The following CENPP variants were observed in gnomAD, a reference collection of about 807,000 sequenced individuals.
CENPP encodes the protein centromere protein P.
Under a neutral mutation model 35.6 loss-of-function variants are expected in CENPP, and 24 were observed. That is an observed-to-expected ratio of 0.67 (90% CI 0.49 to 0.95). The LOEUF is 0.95. Among genes scored for constraint, CENPP ranks in the 40% least tolerant of loss-of-function variants. The pLI is 0.00. For missense variants in CENPP, 332 were observed against 345.3 expected (o/e 0.96, Z 0.31); for synonymous variants, 120 against 125.5 (o/e 0.96, Z 0.29).
intron 5 of CENPP, among the ~76,000 whole-genome samples, chr9:92,580,612 G>C (rs1228259186): frequency 1.3e-5 from 2 of 152,242 alleles, no homozygotes; most frequent in African/African-American, 4.8e-5. Context: ...AGTATTCTCT[G>C]ATGGTAGTTT....
At chr9:92,464,975 C>A (rs142624887) in intron 5 of CENPP, 6 of 1,614,054 alleles carry the variant, frequency 3.7e-6, no homozygotes, top group Non-Finnish European at 5.1e-6. Context: ...CACCGTCACC[C>A]CTTCAAATGC....
At chr9:92,380,450 C>T (rs1028962264) in intron 5 of CENPP, among the ~76,000 whole-genome samples, 1 of 147,658 alleles carries the variant, frequency 6.8e-6, no homozygotes, top group Non-Finnish European at 1.5e-5. Context: ...CACACAGCAA[C>T]CAGTTCTGAA....
chr9:92,343,140 T>C (rs1841174278), intron 3 of CENPP, among the ~76,000 whole-genome samples: 1 of 152,192 alleles, frequency 6.6e-6, no homozygotes, highest in South Asian at 2.1e-4. Context: ...TATATTAATA[T>C]AATATTTGAA....
intron 5 of CENPP, among the ~76,000 whole-genome samples, chr9:92,401,785 T>A (rs900833067): frequency 6.6e-6 from 1 of 152,048 alleles, no homozygotes; most frequent in African/African-American, 2.4e-5. Context: ...GAAATTGGAG[T>A]AGATACAATT....
chr9:92,463,483 C>A (rs1320417363), intron 5 of CENPP, among the ~76,000 whole-genome samples: 1 of 152,192 alleles, frequency 6.6e-6, no homozygotes, highest in Non-Finnish European at 1.5e-5. Context: ...TTAAGATACA[C>A]TTTGAAATTT....
intron 5 of CENPP, among the ~76,000 whole-genome samples, chr9:92,535,016 G>A (rs1171034989): frequency 1.3e-5 from 2 of 152,136 alleles, no homozygotes; most frequent in Non-Finnish European, 2.9e-5. Flanking sequence ...GTGCTTAGGA[G>A]TGTGAATGTG....
chr9:92,594,449 T>G (rs569578354), intron 5 of CENPP, among the ~76,000 whole-genome samples: 1 of 152,302 alleles, frequency 6.6e-6, no homozygotes, highest in Non-Finnish European at 1.5e-5. Context: ...GGGCATAATT[T>G]TATATCTCTG....
At chr9:92,398,161 T>A (rs758280039) in intron 5 of CENPP, among the ~76,000 whole-genome samples, 14 of 152,218 alleles carry the variant, frequency 9.2e-5, no homozygotes, top group Non-Finnish European at 1.3e-4. Flanking sequence ...ATAGTTCTTT[T>A]TTGTCCTTAG....
At chr9:92,351,992 T>C (rs906565010) in intron 4 of CENPP, among the ~76,000 whole-genome samples, 2 of 151,792 alleles carry the variant, frequency 1.3e-5, no homozygotes, top group Non-Finnish European at 2.9e-5. Flanking sequence ...CCATGTGGCA[T>C]AAGTCAGAAT....
intron 5 of CENPP, among the ~76,000 whole-genome samples, chr9:92,569,682 C>T (rs10481724): frequency 5.9e-5 from 9 of 152,250 alleles, no homozygotes; most frequent in African/African-American, 1.7e-4. Flanking sequence ...GTATGGCCAT[C>T]TTCATGGTAT....
chr9:92,404,392 G>A, intron 5 of CENPP: 3 of 695,462 alleles, frequency 4.3e-6, no homozygotes, highest in Non-Finnish European at 4.1e-6. Flanking sequence ...TGAGGTAACT[G>A]AAACTTAAAC....
intron 5 of CENPP, among the ~76,000 whole-genome samples, chr9:92,562,497 C>T (rs1446427813): frequency 2.0e-5 from 3 of 151,998 alleles, no homozygotes; most frequent in Non-Finnish European, 4.4e-5. Context: ...TGAGCCACCG[C>T]GCCCTGCCCC....
chr9:92,515,098 G>A (rs779636498), intron 5 of CENPP: 1 of 1,614,004 alleles, frequency 6.2e-7, no homozygotes, highest in South Asian at 1.1e-5. Context: ...CTGAGGAGGT[G>A]GCAGTTGCTT....
chr9:92,344,630 C>T (rs2130801577), intron 3 of CENPP, among the ~76,000 whole-genome samples: 1 of 152,084 alleles, frequency 6.6e-6, no homozygotes, highest in Non-Finnish European at 1.5e-5. Context: ...TCGCTGCAAC[C>T]TCTGCCTCCT....
At chr9:92,359,876 G>A (rs181955265) in intron 4 of CENPP, among the ~76,000 whole-genome samples, 2 of 151,966 alleles carry the variant, frequency 1.3e-5, no homozygotes, top group East Asian at 3.9e-4. Context: ...CCAGGGGGGT[G>A]GGGGTGAAGA....
intron 5 of CENPP, chr9:92,493,953 G>T: frequency 4.2e-6 from 3 of 718,266 alleles, no homozygotes; most frequent in Non-Finnish European, 6.7e-6. Context: ...TGTTAATCCA[G>T]GCCGTTGAGG....
intron 4 of CENPP, among the ~76,000 whole-genome samples, chr9:92,346,550 T>A (rs1161241861): frequency 6.6e-6 from 1 of 151,996 alleles, no homozygotes; most frequent in East Asian, 1.9e-4. Context: ...GTATAAAGAG[T>A]GTTATCACAG....
chr9:92,486,804 C>T (rs1372629615), intron 5 of CENPP, among the ~76,000 whole-genome samples: 1 of 141,778 alleles, frequency 7.1e-6, no homozygotes, highest in African/African-American at 2.6e-5. Context: ...TTTTTTGAGA[C>T]GGAGTCTTGC....
chr9:92,514,831 T>TCCTCCTCAC (rs762598771), intron 5 of CENPP: 142 of 1,611,922 alleles, frequency 8.8e-5, no homozygotes, highest in South Asian at 3.1e-4. Flanking sequence ...GTCCTCCTCA[T>TCCTCCTCAC]CCTCCTCACC....
Sources: allele counts gnomAD v4.1 joint callset (sites outside exome capture counted in the v4.1 genomes callset), GRCh38; gene constraint gnomAD v4.1.1; transcripts MANE v1.5; gene names NCBI Gene and HGNC (gene_info 2026-07-23, HGNC 2026-07-21).